The following C2orf72 variants were observed in gnomAD, a reference collection of about 807,000 sequenced individuals.
C2orf72 encodes the protein chromosome 2 open reading frame 72.
A neutral mutation model predicts 14.4 loss-of-function variants in C2orf72; 16 were observed. That is an observed-to-expected ratio of 1.11 (90% CI 0.75 to 1.69). C2orf72 has a LOEUF of 1.69. Among genes scored for constraint, C2orf72 ranks in the 40% most tolerant of loss-of-function variants. The pLI, the probability that C2orf72 is intolerant of heterozygous loss-of-function variation, is 0.00. For missense variants in C2orf72, 371 were observed against 358.3 expected, an observed-to-expected ratio of 1.04 and a Z score of -0.29; for synonymous variants, 168 against 176.8, an observed-to-expected ratio of 0.95 and a Z score of 0.40.
rs1693444579 is a variant in C2orf72 at position 231,048,264 on chromosome 2, C to CT, written c.*1244dup. ...TGGCAAAGGCAGCTCCTGGATTTCC[C>CT]TGGAGGGGAGGCACTAGCTGAGGGA... On this transcript the variant is annotated 3_prime_UTR_variant, in exon 3 of 3. Coordinates refer to ENST00000373640, the MANE Select transcript of C2orf72 (RefSeq NM_001144994.2). The CT allele has an allele frequency of 6.6e-6, 1 of 152,282 alleles. No individual in the cohort carries two copies. Among genetic ancestry groups the CT allele is most frequent in the African/African-American group, 2.4e-5 (1 of 41,466 alleles). 9.4% of individuals were successfully genotyped at this position (152,282 alleles called of 1,614,324 possible).
chr2:231,045,020 T>C (rs139579400), intron 2 of C2orf72, among the ~76,000 whole-genome samples: 360 of 150,612 alleles, frequency 2.4e-3, no homozygotes, highest in African/African-American at 8.5e-3. Flanking sequence ...TTAAAACATA[T>C]AGTAGGCCGA....
intron 2 of C2orf72, among the ~76,000 whole-genome samples, chr2:231,044,962 T>TATATATACAC (rs985747494): frequency 1.4e-5 from 2 of 146,426 alleles, no homozygotes; most frequent in African/African-American, 5.1e-5. Context: ...TATATATATA[T>TATATATACAC]ACACACACAC....
In C2orf72 at chr2:231,047,156, C is replaced by A; in HGVS notation, c.*135C>A. The A allele has an allele frequency of 9.2e-7, 1 of 1,086,230 alleles. No homozygotes were observed. Among genetic ancestry groups the A allele is most frequent in the Non-Finnish European group, 1.4e-6 (1 of 730,314 alleles). The allele number at this position is 1,086,230 out of a possible 1,614,324, so 67.3% of individuals were successfully genotyped here. ...GGCCTGCCACACTCACAGTTACCAG[C>A]TAGACAGTGGGGCTTACTAAGACAA... On this transcript the variant is annotated 3_prime_UTR_variant, in exon 3 of 3. Coordinates refer to ENST00000373640, the MANE Select transcript of C2orf72 (RefSeq NM_001144994.2).
In C2orf72 at chr2:231,047,251, G is replaced by A; in HGVS notation, c.*230G>A. On this transcript the variant is annotated 3_prime_UTR_variant, in exon 3 of 3. Coordinates refer to ENST00000373640, the MANE Select transcript of C2orf72 (RefSeq NM_001144994.2). ...CAGCATTTGCTAAGTCTGATCACAG[G>A]GAGGTTATTTTGTCTCTCTGTCTCG... 1 of 644,034 alleles carries A rather than the reference G, an allele frequency of 1.6e-6. No individual in the cohort carries two copies. The highest frequency in any genetic ancestry group is 2.2e-5 in the Admixed American group (1 of 46,294). 39.9% of individuals were successfully genotyped at this position (644,034 alleles called of 1,614,324 possible). A position where few individuals can be genotyped will look rare whatever the true frequency, so the allele number is the denominator to read the frequency against.
chr2:231,042,058 G>A (rs1693351913), intron 2 of C2orf72, among the ~76,000 whole-genome samples: 1 of 152,112 alleles, frequency 6.6e-6, no homozygotes, highest in Admixed American at 6.5e-5. Context: ...CCTCGGCAGA[G>A]CCCACCTAGG....
chr2:231,038,132 G>T lies in C2orf72; in HGVS notation c.567G>T (p.Pro189=). Reference sequence around the variant, plus strand: ...CGGCCGCCTACTGCCCCGGCCTCCCGGCCTCCTGCCTGGCCGTCCAGGCGG... The same window carrying T: ...CGGCCGCCTACTGCCCCGGCCTCCCTGCCTCCTGCCTGGCCGTCCAGGCGG... ...VQAAAYCPGL[P]ASCLAVQAAA... is the part of the protein sequence containing the mutation. Residue 189 remains proline, a synonymous_variant, in exon 1 of 3, where the codon CCG becomes CCT. Transcript: ENST00000373640. 9.0e-7 allele frequency: 1 copy of T among 1,115,790 alleles called. No individual in the cohort carries two copies. The highest frequency in any genetic ancestry group is 1.1e-6 in the Non-Finnish European group (1 of 916,842). The allele number at this position is 1,115,790 out of a possible 1,614,324, so 69.1% of individuals were successfully genotyped here. A position where few individuals can be genotyped will look rare whatever the true frequency, so the allele number is the denominator to read the frequency against.
At chr2:231,044,962 T>TATAC (rs985747494) in intron 2 of C2orf72, among the ~76,000 whole-genome samples, 108 of 146,432 alleles carry the variant, frequency 7.4e-4, no homozygotes, top group African/African-American at 2.2e-3. Flanking sequence ...TATATATATA[T>TATAC]ACACACACAC....
Position 231,047,068 on chromosome 2 carries a change from C to T in C2orf72, c.*47C>T. On this transcript the variant is annotated 3_prime_UTR_variant, in exon 3 of 3. Coordinates refer to ENST00000373640, the MANE Select transcript of C2orf72 (RefSeq NM_001144994.2). ...CCTGGCTCTAACCTACAGACTGGGG[C>T]CTGGCTCCGTCTTACTGGCCCCCAG... The T allele has an allele frequency of 6.4e-7, 1 of 1,551,016 alleles. No individual in the cohort carries two copies. Among genetic ancestry groups the T allele is most frequent in the Admixed American group, 2.0e-5 (1 of 50,988 alleles).
chr2:231,039,190 GGAGGGATAGCATTA>G (rs1693305996), intron 1 of C2orf72, among the ~76,000 whole-genome samples: 1 of 151,998 alleles, frequency 6.6e-6, no homozygotes, highest in Non-Finnish European at 1.5e-5. Flanking sequence ...GGGGGAGGGA[GGAGGGATAGCATTA>G]GGAGATATAC....
intron 2 of C2orf72, among the ~76,000 whole-genome samples, chr2:231,043,254 A>G (rs1693367527): frequency 6.6e-6 from 1 of 152,208 alleles, no homozygotes; most frequent in Non-Finnish European, 1.5e-5. Flanking sequence ...TGCATTTGTC[A>G]GAGAGACAAC....
Position 231,037,533 on chromosome 2 carries a change from C to G in C2orf72, c.-33C>G, listed in dbSNP as rs1293953542. The G allele has an allele frequency of 4.0e-6, 4 of 998,622 alleles. No individual in the cohort carries two copies. Among genetic ancestry groups the G allele is most frequent in the Non-Finnish European group, 4.8e-6 (4 of 840,668 alleles). 61.9% of individuals were successfully genotyped at this position (998,622 alleles called of 1,614,324 possible). A position where few individuals can be genotyped will look rare whatever the true frequency, so the allele number is the denominator to read the frequency against. ...AGGCGGGCAGCGGGTGCGCCCGGGCCGCGGCGGCCGCAGAGGGCGGGCGGC... is the reference window on the plus strand; with the variant it reads ...AGGCGGGCAGCGGGTGCGCCCGGGCGGCGGCGGCCGCAGAGGGCGGGCGGC... On this transcript the variant is annotated 5_prime_UTR_variant, in exon 1 of 3. Coordinates refer to ENST00000373640, the MANE Select transcript of C2orf72 (RefSeq NM_001144994.2).
intron 1 of C2orf72, among the ~76,000 whole-genome samples, chr2:231,038,675 G>T (rs964377703): frequency 6.6e-6 from 1 of 152,140 alleles, no homozygotes; most frequent in Non-Finnish European, 1.5e-5. Flanking sequence ...GCTCTAGGAG[G>T]GGCGGAGGGG....
Position 231,046,899 on chromosome 2 carries a change from G to C in C2orf72, c.766G>C (p.Glu256Gln). Reference sequence around the variant, plus strand: ...TGTTCCAGAAGACTTCCAGGAACCTGAGGAGGAGCTGCCACTAACAGCCAT... The same window carrying C: ...TGTTCCAGAAGACTTCCAGGAACCTCAGGAGGAGCTGCCACTAACAGCCAT... ...SSAQEDFQEP[E>Q]EELPLTAIFP... is the part of the protein sequence containing the mutation. Residue 256 changes from glutamate (E) to glutamine (Q), a missense_variant, in exon 3 of 3, where the codon GAG becomes CAG. Coordinates refer to ENST00000373640, the MANE Select transcript of C2orf72 (RefSeq NM_001144994.2). 1 of 1,551,304 alleles carries C rather than the reference G, an allele frequency of 6.4e-7. No homozygotes were observed. Among genetic ancestry groups the C allele is most frequent in the Non-Finnish European group, 8.7e-7 (1 of 1,146,728 alleles).
intron 2 of C2orf72, 65 bp from the exon 3 acceptor site, chr2:231,046,817 C>T: frequency 1.4e-6 from 2 of 1,465,828 alleles, no homozygotes; most frequent in South Asian, 1.4e-5. Flanking sequence ...TCTCCTTTTC[C>T]TTCCTAGATA....
At chr2:231,046,748 A>C (rs890984163) in intron 2 of C2orf72, 134 bp from the exon 3 acceptor site, 1 of 862,182 alleles carries the variant, frequency 1.2e-6, no homozygotes, top group Non-Finnish European at 1.8e-6. Flanking sequence ...GTACATCGTT[A>C]AGGTTTTTGA....
intron 2 of C2orf72, among the ~76,000 whole-genome samples, chr2:231,045,807 G>A (rs1375072167): frequency 6.6e-6 from 1 of 152,064 alleles, no homozygotes; most frequent in African/African-American, 2.4e-5. Context: ...CGTGAGCCAC[G>A]GCGCCCGGCC....
At chr2:231,046,775 T>A (rs1693423381) in intron 2 of C2orf72, 107 bp from the exon 3 acceptor site, 1 of 1,183,420 alleles carries the variant, frequency 8.5e-7, no homozygotes, top group African/African-American at 1.6e-5. Flanking sequence ...TTTTGTTTTG[T>A]TTTTTAAGTA....
At chr2:231,044,148 G>T (rs1402675228) in intron 2 of C2orf72, among the ~76,000 whole-genome samples, 1 of 145,544 alleles carries the variant, frequency 6.9e-6, no homozygotes, top group East Asian at 2.0e-4. Context: ...TACCATGAAT[G>T]AAGTTTTCAA....
chr2:231,046,291 AGT>A (rs34513584), intron 2 of C2orf72, among the ~76,000 whole-genome samples: 41,512 of 135,828 alleles, frequency 0.31, 6,456 homozygotes, highest in Admixed American at 0.42. Context: ...ACTTCTATGC[AGT>A]GTGTGTGTGT....
Sources: allele counts gnomAD v4.1 joint callset (sites outside exome capture counted in the v4.1 genomes callset), GRCh38; gene constraint gnomAD v4.1.1; transcripts MANE v1.5; gene names NCBI Gene and HGNC (gene_info 2026-07-23, HGNC 2026-07-21).